The following MID1 variants were observed in gnomAD, a reference collection of about 807,000 sequenced individuals.
MID1 encodes E3 ubiquitin-protein ligase Midline-1.
A neutral mutation model predicts 40.4 loss-of-function variants in MID1; 7 were observed. That is an observed-to-expected ratio of 0.17 (90% CI 0.10 to 0.33). The LOEUF (loss-of-function observed/expected upper bound fraction) is 0.33, where lower values mean the gene tolerates loss of function less well. MID1 is among the 10% of genes least tolerant of loss of function. The pLI is 1.00. For synonymous variants in MID1, 229 were observed against 221.2 expected (o/e 1.04, Z -0.31); for missense variants, 367 against 558.5 (o/e 0.66, Z 3.46).
chrX:10,816,296 A>AT (rs1190490606), intron 1 of MID1, among the ~76,000 whole-genome samples: 36 of 112,206 alleles, frequency 3.2e-4, no homozygotes, highest in African/African-American at 1.1e-3. Context: ...TATTTCTGAC[A>AT]TTCAGCAGAT....
intron 7 of MID1, among the ~76,000 whole-genome samples, chrX:10,462,949 T>A (rs1298158572): frequency 3.6e-5 from 4 of 111,808 alleles, no homozygotes; most frequent in African/African-American, 1.3e-4. Flanking sequence ...TCTAAGTGAC[T>A]ACAATAAATT....
intron 1 of MID1, among the ~76,000 whole-genome samples, chrX:10,594,984 T>C (rs1467468228): frequency 2.7e-5 from 3 of 112,028 alleles, no homozygotes; most frequent in Non-Finnish European, 3.8e-5. Context: ...CTTTCCTTCA[T>C]ATATCCATAA....
chrX:10,649,916 GAA>G (rs1936299865), intron 1 of MID1, among the ~76,000 whole-genome samples: 1 of 111,802 alleles, frequency 8.9e-6, no homozygotes, highest in Non-Finnish European at 1.9e-5. Flanking sequence ...ATATTTAAAA[GAA>G]AAAGTCTTGT....
At position 10,644,919 on chromosome X, in the gene MID1, G is replaced by C. The variant is rs147222054; in HGVS notation, c.-186-24500C>G. 5.0e-4 allele frequency among the ~76,000 whole-genome samples: 56 copies of C among 112,278 alleles called. No homozygotes were observed. The East Asian group carries it at 0.014, about 29-fold the overall frequency. The stretch of plus-strand genomic sequence containing the variant: ...TTCCACTGGGACTTTTATTGATCCT[G>C]TTCTTTCTTGCATTTGCTGCTTTGT... On this transcript the variant is annotated intron_variant, in intron 1 of 10. Transcript: ENST00000380785.
chrX:10,778,710 G>T (rs2043824161), intron 1 of MID1, among the ~76,000 whole-genome samples: 1 of 112,592 alleles, frequency 8.9e-6, no homozygotes, highest in South Asian at 3.7e-4. Context: ...CTTGAAAATG[G>T]AGGAAGGCAC....
chrX:10,818,126 A>T (rs2044152281), intron 1 of MID1, among the ~76,000 whole-genome samples: 1 of 112,349 alleles, frequency 8.9e-6, no homozygotes, highest in Non-Finnish European at 1.9e-5. Context: ...CATGTTTCTG[A>T]TCCAAGAGTA....
At position 10,798,072 on chromosome X, in the gene MID1, T is replaced by C. The variant is rs987698837; in HGVS notation, c.-187+35482A>G. On this transcript the variant is annotated intron_variant, in intron 1 of 10. Transcript: ENST00000380785. ...ATCAATGCTTAGACCAAAGCGGGCA[T>C]GGCAGGTTGCTGCATTTGCAGTGGG... is the stretch of plus-strand genomic sequence containing the variant. Among the ~76,000 whole-genome samples, 27 of 112,253 alleles carry C rather than the reference T, an allele frequency of 2.4e-4. 1 individual carries two copies. Among genetic ancestry groups the C allele is most frequent in the African/African-American group, 5.2e-4 (16 of 30,892 alleles).
chrX:10,534,536 AG>A (rs1382752205), intron 2 of MID1, among the ~76,000 whole-genome samples: 2 of 111,961 alleles, frequency 1.8e-5, no homozygotes, highest in Admixed American at 9.5e-5. Flanking sequence ...TTTTTTCTAT[AG>A]GAATTTATCT....
In MID1 at chrX:10,446,983, C is replaced by T. The variant is rs1483405891; in HGVS notation, c.*2385G>A. The T allele has an allele frequency of 9.0e-6, 1 of 111,056 alleles. No homozygotes were observed. The highest frequency in any genetic ancestry group is 3.3e-5 in the African/African-American group (1 of 29,938). The allele number at this position is 111,056 out of a possible 1,213,427, so 9.2% of individuals were successfully genotyped here. A position where few individuals can be genotyped will look rare whatever the true frequency, so the allele number is the denominator to read the frequency against. Reference sequence around the variant, plus strand: ...AAAATTACACTGCAGCAAATTTTTACAGCATACATTTTTTAGACTTTCAAA... The same window carrying T: ...AAAATTACACTGCAGCAAATTTTTATAGCATACATTTTTTAGACTTTCAAA... On this transcript the variant is annotated 3_prime_UTR_variant, in exon 10 of 10. Transcript: ENST00000317552.
intron 1 of MID1, among the ~76,000 whole-genome samples, chrX:10,666,272 C>G (rs1165109234): frequency 9.1e-6 from 1 of 110,130 alleles, no homozygotes; most frequent in African/African-American, 3.3e-5. Flanking sequence ...GATGTCTTTC[C>G]CCTAGGATTG....
At chrX:10,821,671 C>G (rs1336180293) in intron 1 of MID1, among the ~76,000 whole-genome samples, 1 of 112,652 alleles carries the variant, frequency 8.9e-6, no homozygotes, top group South Asian at 3.6e-4. Context: ...GTGTTTGTCT[C>G]ATTTCTTATT....
At chrX:10,747,333 A>G (rs1348231472) in intron 1 of MID1, among the ~76,000 whole-genome samples, 1 of 112,167 alleles carries the variant, frequency 8.9e-6, no homozygotes, top group African/African-American at 3.2e-5. Context: ...AGAGGATTCA[A>G]AAACATTCAC....
intron 2 of MID1, among the ~76,000 whole-genome samples, chrX:10,527,512 T>C (rs1409585172): frequency 1.8e-5 from 2 of 111,992 alleles, no homozygotes; most frequent in Non-Finnish European, 3.8e-5. Context: ...AACATTTAGT[T>C]TGGACACAGT....
At chrX:10,464,751 C>A (rs1383059172) in intron 7 of MID1, among the ~76,000 whole-genome samples, 1 of 111,806 alleles carries the variant, frequency 8.9e-6, no homozygotes, top group East Asian at 2.8e-4. Flanking sequence ...TCAGTTGACT[C>A]CAGATGCATA....
chrX:10,718,937 A>T (rs1242017411), intron 1 of MID1, among the ~76,000 whole-genome samples: 1 of 111,687 alleles, frequency 9.0e-6, no homozygotes, highest in Non-Finnish European at 1.9e-5. Context: ...ACAGAACCAA[A>T]GAAAAAACCA....
At position 10,446,695 on chromosome X, in the gene MID1, C is replaced by T. The variant is rs1310946488; in HGVS notation, c.*2673G>A. On this transcript the variant is annotated 3_prime_UTR_variant, in exon 10 of 10. Coordinates refer to ENST00000317552, the MANE Select transcript of MID1 (RefSeq NM_000381.4). ...TGCAAGGCCCAGTGCGAAGTGAAAA[C>T]GCAGGCCCCTTGTTCAAAAATTGTT... The T allele has an allele frequency of 2.7e-5, 3 of 112,070 alleles. No individual in the cohort carries two copies. Among genetic ancestry groups the T allele is most frequent in the Non-Finnish European group, 5.6e-5 (3 of 53,280 alleles). The allele number at this position is 112,070 out of a possible 1,213,427, so 9.2% of individuals were successfully genotyped here.
chrX:10,663,540 G>A (rs2042930770), intron 1 of MID1, among the ~76,000 whole-genome samples: 2 of 111,366 alleles, frequency 1.8e-5, no homozygotes, highest in Non-Finnish European at 3.8e-5. Flanking sequence ...TTGTTTGTTT[G>A]TTTGTATTTA....
intron 1 of MID1, among the ~76,000 whole-genome samples, chrX:10,713,591 G>C (rs771921058): frequency 3.2e-4 from 36 of 112,778 alleles, no homozygotes; most frequent in African/African-American, 1.0e-3. Context: ...GCATCCCAAA[G>C]TGCTGGGATT....
At chrX:10,605,432 T>C (rs759753662) in intron 1 of MID1, among the ~76,000 whole-genome samples, 4 of 111,791 alleles carry the variant, frequency 3.6e-5, no homozygotes, top group Non-Finnish European at 1.9e-5. Context: ...ACATAAACTA[T>C]ATGAAGAAAA....
Sources: gnomAD v4.1 joint callset for allele counts (sites outside exome capture counted in the v4.1 genomes callset) on GRCh38, gnomAD v4.1.1 for gene constraint, MANE v1.5 for transcripts, NCBI Gene and HGNC (gene_info 2026-07-23, HGNC 2026-07-21) for gene names.